Variants in FBXL7 observed in about 807,000 individuals in gnomAD.
FBXL7 encodes F-box and leucine rich repeat protein 7, also known as F-box/LRR-repeat protein 7.
A neutral mutation model predicts 38.3 loss-of-function variants in FBXL7; 12 were observed. The observed-to-expected ratio is 0.31, with a 90% confidence interval of 0.20 to 0.51. The LOEUF (loss-of-function observed/expected upper bound fraction) is 0.51. Ranked by LOEUF, FBXL7 falls within the 20% of genes least tolerant of loss-of-function variation. The pLI, the probability that FBXL7 is intolerant of heterozygous loss-of-function variation, is 0.98. For missense variants in FBXL7, 567 were observed against 676.4 expected (o/e 0.84, Z 1.79); for synonymous variants, 297 against 300.9 (o/e 0.99, Z 0.13).
chr5:15,533,997 A>G (rs1454243858), intron 1 of FBXL7, among the ~76,000 whole-genome samples: 1 of 151,820 alleles, frequency 6.6e-6, no homozygotes, highest in African/African-American at 2.4e-5. Flanking sequence ...ACTTAAATCT[A>G]TTTATGATTT....
chr5:15,545,052 G>C (rs1359316515), intron 1 of FBXL7, among the ~76,000 whole-genome samples: 1 of 152,174 alleles, frequency 6.6e-6, no homozygotes, highest in African/African-American at 2.4e-5. Context: ...ACAAGTGGAG[G>C]TGCTGTCTCC....
chr5:15,613,049 T>C (rs914874718), intron 1 of FBXL7, among the ~76,000 whole-genome samples: 3 of 152,232 alleles, frequency 2.0e-5, no homozygotes, highest in African/African-American at 7.2e-5. Flanking sequence ...AGTTTATTTC[T>C]AGTTTTCCAT....
intron 2 of FBXL7, among the ~76,000 whole-genome samples, chr5:15,768,664 C>G (rs1305995273): frequency 6.6e-6 from 1 of 152,132 alleles, no homozygotes; most frequent in African/African-American, 2.4e-5. Context: ...CTGCCTTCTT[C>G]TGGGATGGGG....
intron 2 of FBXL7, among the ~76,000 whole-genome samples, chr5:15,878,575 G>A (rs1010926006): frequency 3.3e-5 from 5 of 152,122 alleles, no homozygotes; most frequent in African/African-American, 1.2e-4. Flanking sequence ...ACTCCTTGAG[G>A]AGTTCTCTAA....
At chr5:15,543,244 G>A (rs947360375) in intron 1 of FBXL7, among the ~76,000 whole-genome samples, 8 of 152,146 alleles carry the variant, frequency 5.3e-5, no homozygotes, top group Admixed American at 3.3e-4. Context: ...GAAGGCAAAG[G>A]GGAAGCAAAG....
chr5:15,764,096 A>G (rs1736523358), intron 2 of FBXL7, among the ~76,000 whole-genome samples: 1 of 152,230 alleles, frequency 6.6e-6, no homozygotes, highest in African/African-American at 2.4e-5. Context: ...GACTCAAAAA[A>G]GCTTTACTAT....
At chr5:15,857,362 A>G (rs1739302370) in intron 2 of FBXL7, among the ~76,000 whole-genome samples, 1 of 152,162 alleles carries the variant, frequency 6.6e-6, no homozygotes. Flanking sequence ...GTTGGGTACA[A>G]TTACTATCCC....
chr5:15,809,953 C>T (rs1450081596), intron 2 of FBXL7, among the ~76,000 whole-genome samples: 5 of 152,178 alleles, frequency 3.3e-5, no homozygotes, highest in Non-Finnish European at 5.9e-5. Context: ...GTGCAACATT[C>T]ACATGTGAAT....
intron 1 of FBXL7, among the ~76,000 whole-genome samples, chr5:15,600,623 G>A (rs1739761948): frequency 6.6e-6 from 1 of 152,128 alleles, no homozygotes; most frequent in Admixed American, 6.5e-5. Context: ...AATGGGAGGT[G>A]GGAAACATAG....
intron 2 of FBXL7, among the ~76,000 whole-genome samples, chr5:15,777,391 A>G (rs1222310381): frequency 6.6e-6 from 1 of 152,066 alleles, no homozygotes; most frequent in Admixed American, 6.6e-5. Context: ...CCAATTGGTA[A>G]TATATGGATA....
At chr5:15,813,060 A>T (rs146395208) in intron 2 of FBXL7, among the ~76,000 whole-genome samples, 1 of 152,146 alleles carries the variant, frequency 6.6e-6, no homozygotes, top group African/African-American at 2.4e-5. Flanking sequence ...TAAATATACA[A>T]TCATGTCATC....
chr5:15,789,543 T>C (rs1279401488), intron 2 of FBXL7, among the ~76,000 whole-genome samples: 3 of 152,188 alleles, frequency 2.0e-5, no homozygotes. Flanking sequence ...CCACACAGGC[T>C]GGTGTTCAGG....
At chr5:15,736,069 T>A (rs1290466542) in intron 2 of FBXL7, among the ~76,000 whole-genome samples, 1 of 152,200 alleles carries the variant, frequency 6.6e-6, no homozygotes, top group African/African-American at 2.4e-5. Context: ...GATGTAAGAT[T>A]TAGTGTCTTT....
intron 2 of FBXL7, among the ~76,000 whole-genome samples, chr5:15,918,324 G>A (rs767364849): frequency 6.6e-6 from 1 of 152,138 alleles, no homozygotes; most frequent in Non-Finnish European, 1.5e-5. Flanking sequence ...ACCATGAAGA[G>A]TCTGATGGAT....
At chr5:15,567,440 C>A (rs1177996590) in intron 1 of FBXL7, among the ~76,000 whole-genome samples, 1 of 144,282 alleles carries the variant, frequency 6.9e-6, no homozygotes, top group African/African-American at 2.9e-5. Flanking sequence ...TCCCTTTATT[C>A]TTCTTCACAG....
At chr5:15,556,010 T>TATCTATCTATCTATCTATC (rs1554005551) in intron 1 of FBXL7, among the ~76,000 whole-genome samples, 95 of 99,638 alleles carry the variant, frequency 9.5e-4, no homozygotes, top group East Asian at 2.6e-3. Context: ...TCTATCTATC[T>TATCTATCTATCTATCTATC]ATCTATCATC....
At chr5:15,801,652 T>G (rs1246718722) in intron 2 of FBXL7, among the ~76,000 whole-genome samples, 1 of 146,848 alleles carries the variant, frequency 6.8e-6, no homozygotes. Context: ...TGTGTGTGTG[T>G]GTGTGCGCGC....
At chr5:15,920,752 C>T (rs576414414) in intron 2 of FBXL7, among the ~76,000 whole-genome samples, 2 of 152,114 alleles carry the variant, frequency 1.3e-5, no homozygotes, top group Admixed American at 6.5e-5. Context: ...AACTCCTGAC[C>T]TCTGGTGATC....
At chr5:15,557,784 G>T (rs1738292566) in intron 1 of FBXL7, among the ~76,000 whole-genome samples, 1 of 152,180 alleles carries the variant, frequency 6.6e-6, no homozygotes, top group Admixed American at 6.5e-5. Flanking sequence ...TGACTTCCTG[G>T]TGGTCAGGCA....
Sources: allele counts gnomAD v4.1 joint callset (sites outside exome capture counted in the v4.1 genomes callset), GRCh38; gene constraint gnomAD v4.1.1; transcripts MANE v1.5; gene names NCBI Gene and HGNC (gene_info 2026-07-23, HGNC 2026-07-21).